BCAS1: variants seen among roughly 807,000 people sequenced by gnomAD.
BCAS1 encodes brain enriched myelin associated protein 1.
In BCAS1, 46 loss-of-function variants were observed where a neutral mutation model predicts 65.4. The observed-to-expected ratio is 0.70, with a 90% confidence interval of 0.55 to 0.90. BCAS1 has a LOEUF of 0.90. BCAS1 is among the 40% of genes least tolerant of loss of function. The pLI is 0.00. For synonymous variants in BCAS1, 298 were observed against 293.5 expected (o/e 1.02, Z -0.16); for missense variants, 793 against 771.2 (o/e 1.03, Z -0.33).
intron 11 of BCAS1, among the ~76,000 whole-genome samples, chr20:53,954,511 A>G (rs932849542): frequency 2.8e-4 from 43 of 152,166 alleles, no homozygotes; most frequent in African/African-American, 9.9e-4. Context: ...TTGGTGTGAA[A>G]TTGTCCTTTT....
rs535310655 is a variant in BCAS1 at position 54,057,623 on chromosome 20, C to A, written c.142+462G>T. 5.3e-5 allele frequency among the ~76,000 whole-genome samples: 8 copies of A among 152,222 alleles called. No homozygotes were observed. In the South Asian group the frequency reaches 1.4e-3, roughly 28 times the overall value. On this transcript the variant is annotated intron_variant, in intron 3 of 12. Transcript: ENST00000688948. ...GCCCCCAAAGATGCTGAAGTCCTAA[C>A]CCCCTGTGAATGTGACCTTATTTGG...
intron 4 of BCAS1, among the ~76,000 whole-genome samples, chr20:54,004,386 T>C (rs2145909889): frequency 6.6e-6 from 1 of 152,340 alleles, no homozygotes; most frequent in East Asian, 1.9e-4. Context: ...TATGGTACTT[T>C]GATAGCAGCC....
Position 53,943,938 on chromosome 20 carries a change from C to G in BCAS1, c.*984G>C, listed in dbSNP as rs536531726. On this transcript the variant is annotated 3_prime_UTR_variant, in exon 13 of 13. Coordinates refer to ENST00000688948, the MANE Select transcript of BCAS1 (RefSeq NM_001366298.2). Reference sequence around the variant, plus strand: ...GCCGCCCCCTTGTGTTGCAAAATAACCGTGCAACTTCCTTTATTTTTTATT... The same window carrying G: ...GCCGCCCCCTTGTGTTGCAAAATAAGCGTGCAACTTCCTTTATTTTTTATT... 6.6e-6 allele frequency: 1 copy of G among 151,918 alleles called. No individual in the cohort carries two copies. Among genetic ancestry groups the G allele is most frequent in the Non-Finnish European group, 1.5e-5 (1 of 67,934 alleles). The allele number at this position is 151,918 out of a possible 1,614,324, so 9.4% of individuals were successfully genotyped here.
chr20:54,021,667 G>A (rs2091562468), intron 4 of BCAS1, among the ~76,000 whole-genome samples: 1 of 151,994 alleles, frequency 6.6e-6, no homozygotes, highest in Admixed American at 6.6e-5. Context: ...ACTTATAAGT[G>A]GGAGATGAAC....
chr20:53,950,091 A>G (rs1043650992), intron 12 of BCAS1, among the ~76,000 whole-genome samples: 2 of 152,184 alleles, frequency 1.3e-5, no homozygotes, highest in African/African-American at 2.4e-5. Flanking sequence ...CTTACTTAAT[A>G]TCTGTGAGTA....
chr20:53,952,808 G>T (rs2089568430), intron 12 of BCAS1, among the ~76,000 whole-genome samples: 1 of 152,138 alleles, frequency 6.6e-6, no homozygotes, highest in Admixed American at 6.5e-5. Context: ...TCCATGTTTG[G>T]CCTATAAAAT....
At chr20:54,014,774 A>C (rs976163162) in intron 4 of BCAS1, among the ~76,000 whole-genome samples, 1 of 152,202 alleles carries the variant, frequency 6.6e-6, no homozygotes, top group Non-Finnish European at 1.5e-5. Flanking sequence ...TCCCCAGAGA[A>C]TATCACGCGA....
chr20:54,021,868 G>T (rs369126116), intron 4 of BCAS1, among the ~76,000 whole-genome samples: 1 of 151,824 alleles, frequency 6.6e-6, no homozygotes, highest in Non-Finnish European at 1.5e-5. Context: ...CACGTCACCC[G>T]GGCTCCTGCA....
chr20:54,061,441 C>A (rs1395885192), intron 1 of BCAS1, among the ~76,000 whole-genome samples: 1 of 152,224 alleles, frequency 6.6e-6, no homozygotes, highest in Non-Finnish European at 1.5e-5. Context: ...TGTAGCCCAT[C>A]TCCAAAGACC....
chr20:54,059,927 T>C (rs6022937), intron 1 of BCAS1, among the ~76,000 whole-genome samples: 9,230 of 152,306 alleles, frequency 0.061, 309 homozygotes, highest in Middle Eastern at 0.088. Flanking sequence ...TCTGCACCTG[T>C]TGCTGGGCTG....
At chr20:54,029,751 A>G (rs2146110643) in intron 3 of BCAS1, among the ~76,000 whole-genome samples, 1 of 152,358 alleles carries the variant, frequency 6.6e-6, no homozygotes, top group East Asian at 1.9e-4. Context: ...ATCATTATTC[A>G]TGAGTGAGAA....
At chr20:53,971,089 G>A (rs573058300) in intron 9 of BCAS1, among the ~76,000 whole-genome samples, 97 of 152,320 alleles carry the variant, frequency 6.4e-4, no homozygotes, top group African/African-American at 2.3e-3. Flanking sequence ...GGTTGGTTTA[G>A]AAATGACAGC....
At position 54,058,168 on chromosome 20, in the gene BCAS1, C is replaced by G; in HGVS notation, c.73-14G>C. 1 of 1,612,830 alleles carries G rather than the reference C, an allele frequency of 6.2e-7. No homozygotes were observed. Among genetic ancestry groups the G allele is most frequent in the Non-Finnish European group, 8.5e-7 (1 of 1,178,972 alleles). On this transcript the variant is annotated splice_polypyrimidine_tract_variant and intron_variant, in intron 2 of 12. Transcript: ENST00000688948. ...AGACGCGTTGTCCTGAAACAGAGCACGTGGCATTGTGAGACAAATCTTCGG... is the reference window on the plus strand; with the variant it reads ...AGACGCGTTGTCCTGAAACAGAGCAGGTGGCATTGTGAGACAAATCTTCGG...
chr20:53,974,495 A>C (rs1290379855), intron 9 of BCAS1, among the ~76,000 whole-genome samples: 1 of 152,220 alleles, frequency 6.6e-6, no homozygotes, highest in Non-Finnish European at 1.5e-5. Context: ...ACATTTCAGA[A>C]ACGTGTTTGG....
At chr20:54,047,274 G>T (rs887398449) in intron 3 of BCAS1, among the ~76,000 whole-genome samples, 1 of 152,164 alleles carries the variant, frequency 6.6e-6, no homozygotes, top group South Asian at 2.1e-4. Context: ...TTCTTAAAAG[G>T]CTTCTTGAAA....
In BCAS1 at chr20:53,953,548, G is replaced by A. The variant is rs748125106; in HGVS notation, c.1699C>T (p.Pro567Ser). 2.5e-6 allele frequency: 4 copies of A among 1,613,904 alleles called. No homozygotes were observed. In the Admixed American group the frequency reaches 5.0e-5, roughly 20 times the overall value. ...QKSNKQEAKE[P>S]AQCTEQATVD... ...GTGGCCTGCTCTGTGCACTGGGCTG[G>A]TTCTTTGGCTTCCTGCTTGTTGCTC... The change falls in exon 12 of 13, where the codon CCA becomes TCA. Residue 567 changes from proline to serine, a missense_variant. By Grantham distance (74) the Pro-to-Ser change is moderately conservative (BLOSUM62 -1). Coordinates refer to ENST00000688948, the MANE Select transcript of BCAS1 (RefSeq NM_001366298.2).
At chr20:53,968,686 G>T (rs1037891532) in intron 9 of BCAS1, among the ~76,000 whole-genome samples, 11 of 152,152 alleles carry the variant, frequency 7.2e-5, no homozygotes, top group Non-Finnish European at 4.4e-5. Flanking sequence ...AAGTTGGGGG[G>T]TTACAAACTC....
At chr20:54,020,399 T>A (rs1378730268) in intron 4 of BCAS1, among the ~76,000 whole-genome samples, 1 of 152,216 alleles carries the variant, frequency 6.6e-6, no homozygotes, top group Non-Finnish European at 1.5e-5. Context: ...AAATTTAAAA[T>A]ACCAAGTAGA....
chr20:54,069,090 T>G (rs2092481654), intron 1 of BCAS1, among the ~76,000 whole-genome samples: 1 of 152,138 alleles, frequency 6.6e-6, no homozygotes. Flanking sequence ...CTCACTTAAA[T>G]GAGAAACTAC....
Sources: allele counts gnomAD v4.1 joint callset (sites outside exome capture counted in the v4.1 genomes callset), GRCh38; gene constraint gnomAD v4.1.1; transcripts MANE v1.5; gene names NCBI Gene and HGNC (gene_info 2026-07-23, HGNC 2026-07-21).